TESMIN: variants seen among roughly 807,000 people sequenced by gnomAD.
The protein encoded by TESMIN is CXC domain containing 2.
In TESMIN, 34 loss-of-function variants were observed where a neutral mutation model predicts 47.4. The observed-to-expected ratio is 0.72, with a 90% CI of 0.55 to 0.96. The LOEUF (loss-of-function observed/expected upper bound fraction) is 0.96. Among genes scored for constraint, TESMIN ranks in the 40% least tolerant of loss-of-function variants. The pLI is 0.00. For synonymous variants in TESMIN, 278 were observed against 258.9 expected (o/e 1.07, Z -0.71); for missense variants, 610 against 637.2 (o/e 0.96, Z 0.46).
chr11:68,743,176 T>A (rs1946478844), intron 4 of TESMIN, among the ~76,000 whole-genome samples: 1 of 151,550 alleles, frequency 6.6e-6, no homozygotes, highest in Admixed American at 6.6e-5. Flanking sequence ...CACTCCAGGC[T>A]GGTATTTTAT....
intron 6 of TESMIN, among the ~76,000 whole-genome samples, chr11:68,726,421 CA>C (rs1263271302): frequency 1.3e-5 from 2 of 152,116 alleles, no homozygotes; most frequent in East Asian, 3.9e-4. Context: ...ATTCTCAAAA[CA>C]AGCCTCAAAG....
intron 6 of TESMIN, among the ~76,000 whole-genome samples, chr11:68,723,229 TTAAC>T (rs1278542704): frequency 6.6e-6 from 1 of 151,830 alleles, no homozygotes; most frequent in East Asian, 1.9e-4. Context: ...ATGAAAAGAA[TTAAC>T]TAAAATATCA....
chr11:68,734,915 C>G (rs550924193), intron 6 of TESMIN, among the ~76,000 whole-genome samples: 1 of 152,316 alleles, frequency 6.6e-6, no homozygotes, highest in South Asian at 2.1e-4. Context: ...CTGCCCTCAC[C>G]TCACTGCTCT....
intron 7 of TESMIN, among the ~76,000 whole-genome samples, chr11:68,714,441 T>C (rs1027920979): frequency 1.3e-5 from 2 of 152,236 alleles, no homozygotes; most frequent in Non-Finnish European, 2.9e-5. Context: ...ACAGGTTGCC[T>C]TGTGACTCCT....
intron 9 of TESMIN, among the ~76,000 whole-genome samples, chr11:68,709,589 T>C (rs1233093686): frequency 1.3e-5 from 2 of 152,154 alleles, no homozygotes; most frequent in Non-Finnish European, 2.9e-5. Flanking sequence ...TCGAAAAATT[T>C]TCAGGAAAGC....
At chr11:68,733,460 T>C (rs995830688) in intron 6 of TESMIN, among the ~76,000 whole-genome samples, 1 of 152,068 alleles carries the variant, frequency 6.6e-6, no homozygotes, top group Non-Finnish European at 1.5e-5. Context: ...ATACCAAAAA[T>C]TCGTACCAGC....
At chr11:68,726,009 A>T (rs376225029) in intron 6 of TESMIN, among the ~76,000 whole-genome samples, 24 of 152,168 alleles carry the variant, frequency 1.6e-4, no homozygotes, top group African/African-American at 5.3e-4. Context: ...CGCTGGTTTT[A>T]ACTGCTGCGT....
At position 68,708,281 on chromosome 11, in the gene TESMIN, A is replaced by AT. The variant is rs749422799; in HGVS notation, c.*26_*27insA. 3 of 1,538,552 alleles carry AT rather than the reference A, an allele frequency of 1.9e-6. No homozygotes were observed. The African/African-American group carries it at 4.1e-5, about 21-fold the overall frequency. On this transcript the variant is annotated 3_prime_UTR_variant, in exon 10 of 10. Transcript: ENST00000255087. ...ACTAGAGATTTCTAGACTAAGACAA[A>AT]ATCAACATGCATTCACACTTTATAC...
chr11:68,707,849 T>C lies in TESMIN; in HGVS notation c.*459A>G, dbSNP rs1298614327. ...TATCACAACAGCCCATCCGGAGAAC[T>C]TATTTCTAAATAATTTGAAAAACAA... On this transcript the variant is annotated 3_prime_UTR_variant, in exon 10 of 10. Transcript: ENST00000255087. 7 of 456,376 alleles carry C rather than the reference T, an allele frequency of 1.5e-5. No individual in the cohort carries two copies. In the East Asian group the frequency reaches 4.9e-4, roughly 32 times the overall value. 28.3% of individuals were successfully genotyped at this position (456,376 alleles called of 1,614,324 possible).
chr11:68,742,450 A>G, intron 4 of TESMIN, 56 bp from the exon 5 acceptor site: 1 of 1,135,582 alleles, frequency 8.8e-7, no homozygotes, highest in Non-Finnish European at 1.3e-6. Flanking sequence ...TCTTCCACTT[A>G]CACGTGGATG....
intron 4 of TESMIN, among the ~76,000 whole-genome samples, chr11:68,743,032 C>T (rs1416375130): frequency 6.6e-6 from 1 of 152,024 alleles, no homozygotes; most frequent in African/African-American, 2.4e-5. Flanking sequence ...CCTGTGCCAC[C>T]ATGCCTGGCT....
At chr11:68,736,563 G>T in intron 6 of TESMIN, 1 of 985,332 alleles carries the variant, frequency 1.0e-6, no homozygotes, top group Non-Finnish European at 1.2e-6. Flanking sequence ...TGCAGATGTC[G>T]AGATAAAAAT....
In TESMIN at chr11:68,711,034, A is replaced by T. The variant is rs189743904; in HGVS notation, c.1174T>A (p.Ser392Thr). The change falls in exon 9 of 10, where the codon TCT becomes ACT. Residue 392 changes from serine to threonine, a missense_variant. Physicochemically the swap from Ser to Thr is moderately conservative, Grantham distance 58. Coordinates refer to ENST00000255087, the MANE Select transcript of TESMIN (RefSeq NM_004923.3). ...CAACCAATGCATTTGCAAATAGAAG[A>T]ACACATAATTTGGGCCTGGTAATAT... Reference protein sequence around the residue: ...CECYEAQIMCSSICKCIGCKN... With the variant: ...CECYEAQIMCTSICKCIGCKN... The T allele has an allele frequency of 3.7e-6, 6 of 1,608,866 alleles. No individual in the cohort carries two copies. The highest frequency in any genetic ancestry group is 1.3e-5 in the African/African-American group (1 of 74,814).
intron 6 of TESMIN, among the ~76,000 whole-genome samples, chr11:68,731,418 A>C (rs1347532007): frequency 2.1e-5 from 3 of 145,036 alleles, no homozygotes; most frequent in Admixed American, 7.0e-5. Flanking sequence ...ACACAGTGAG[A>C]CCCTGTCTGA....
chr11:68,710,821 C>G, intron 9 of TESMIN, 53 bp downstream of exon 9: 2 of 1,490,156 alleles, frequency 1.3e-6, no homozygotes, highest in Non-Finnish European at 1.8e-6. Flanking sequence ...TAATTCTCCT[C>G]TCAAATTAAC....
intron 6 of TESMIN, 107 bp downstream of exon 6, chr11:68,738,592 AG>A: frequency 2.0e-6 from 3 of 1,531,288 alleles, no homozygotes; most frequent in Non-Finnish European, 2.6e-6. Context: ...GAAGTCATGA[AG>A]GTGTGCAGTG....
chr11:68,734,737 T>G (rs765831454), intron 6 of TESMIN, among the ~76,000 whole-genome samples: 1 of 152,246 alleles, frequency 6.6e-6, no homozygotes, highest in Non-Finnish European at 1.5e-5. Flanking sequence ...CCGTGCTTGC[T>G]GTCAGCCTCG....
At chr11:68,734,485 C>T (rs1395555378) in intron 6 of TESMIN, among the ~76,000 whole-genome samples, 2 of 152,158 alleles carry the variant, frequency 1.3e-5, no homozygotes, top group Non-Finnish European at 2.9e-5. Flanking sequence ...AGGAGGGGCA[C>T]GTGTACAAAA....
At chr11:68,740,686 G>A (rs1028542627) in intron 5 of TESMIN, among the ~76,000 whole-genome samples, 1 of 152,180 alleles carries the variant, frequency 6.6e-6, no homozygotes, top group African/African-American at 2.4e-5. Context: ...CTTGGCCAAT[G>A]TATCACTTGA....
Sources: gnomAD v4.1 joint callset for allele counts (sites outside exome capture counted in the v4.1 genomes callset) on GRCh38, gnomAD v4.1.1 for gene constraint, MANE v1.5 for transcripts, NCBI Gene and HGNC (gene_info 2026-07-23, HGNC 2026-07-21) for gene names.